The following OSBPL8 variants were observed in gnomAD, a reference collection of about 807,000 sequenced individuals.
OSBPL8 encodes the protein oxysterol binding protein like 8.
Under a neutral mutation model 125.5 loss-of-function variants are expected in OSBPL8, and 59 were observed. The ratio of observed to expected loss-of-function variants is 0.47; its 90% CI spans 0.38 to 0.58. The LOEUF (loss-of-function observed/expected upper bound fraction) is 0.58. OSBPL8 is among the 20% of genes least tolerant of loss of function. The probability of loss-of-function intolerance (pLI) is 0.00; values close to 1 mark genes in which losing one functional copy is unlikely to be tolerated. For missense variants in OSBPL8, 758 were observed against 1,047.8 expected (o/e 0.72, Z 3.82); for synonymous variants, 330 against 338.9 (o/e 0.97, Z 0.29).
At chr12:76,395,867 T>C (rs1043563539) in intron 8 of OSBPL8, among the ~76,000 whole-genome samples, 4 of 152,012 alleles carry the variant, frequency 2.6e-5, no homozygotes, top group African/African-American at 7.2e-5. Context: ...GTGGGAAGTA[T>C]TTATATAATT....
intron 1 of OSBPL8, among the ~76,000 whole-genome samples, chr12:76,535,917 G>A (rs777739216): frequency 3.3e-5 from 5 of 152,050 alleles, no homozygotes; most frequent in Non-Finnish European, 7.4e-5. Context: ...AGAATTTTGG[G>A]GACTGATGGA....
Position 76,378,504 on chromosome 12 carries a change from G to A in OSBPL8, c.1677C>T (p.Phe559=), listed in dbSNP as rs1952914039. 2 of 1,606,138 alleles carry A rather than the reference G, an allele frequency of 1.2e-6. No individual in the cohort carries two copies. Among genetic ancestry groups the A allele is most frequent in the East Asian group, 4.5e-5 (2 of 44,716 alleles). Residue 559 remains phenylalanine (F), a synonymous_variant, in exon 16 of 24, where the codon TTC becomes TTT. Coordinates refer to ENST00000261183, the MANE Select transcript of OSBPL8 (RefSeq NM_020841.5). ...AILEGEARLT[F]LNRGEDYVMT... ...TTACATAATCTTCACCTCTATTCAA[G>A]AAAGTTAACCGTGCTTCTCCCTCTA...
chr12:76,408,183 C>T lies in OSBPL8; in HGVS notation c.288+2381G>A, dbSNP rs901934403. On this transcript the variant is annotated intron_variant, in intron 5 of 23. Coordinates refer to ENST00000261183, the MANE Select transcript of OSBPL8 (RefSeq NM_020841.5). ...AAAAAAAAAGGTAGCTATTAATGGC[C>T]GGGCACGGTGACTCACGCCTGTAAT... is the stretch of plus-strand genomic sequence containing the variant. Among the ~76,000 whole-genome samples the T allele has an allele frequency of 1.7e-4, 26 of 148,742 alleles. No homozygotes were observed. In the East Asian group the frequency reaches 2.4e-3, roughly 13 times the overall value.
At chr12:76,510,171 A>T (rs1300816183) in intron 1 of OSBPL8, among the ~76,000 whole-genome samples, 1 of 152,232 alleles carries the variant, frequency 6.6e-6, no homozygotes, top group Non-Finnish European at 1.5e-5. Context: ...AATACTTTTC[A>T]TATCTCCAGA....
At chr12:76,359,255 A>T (rs568499558) in intron 21 of OSBPL8, among the ~76,000 whole-genome samples, 1 of 152,228 alleles carries the variant, frequency 6.6e-6, no homozygotes, top group South Asian at 2.1e-4. Context: ...TGTTAGAAAC[A>T]TTCCCACTGA....
At chr12:76,468,633 T>C (rs1407178402) in intron 2 of OSBPL8, among the ~76,000 whole-genome samples, 1 of 152,210 alleles carries the variant, frequency 6.6e-6, no homozygotes, top group Non-Finnish European at 1.5e-5. Context: ...CCAATTCTGC[T>C]ACCTATGTTC....
chr12:76,557,209 A>G (rs1406335781), intron 1 of OSBPL8, among the ~76,000 whole-genome samples: 1 of 152,256 alleles, frequency 6.6e-6, no homozygotes, highest in Non-Finnish European at 1.5e-5. Context: ...TACTGTATCA[A>G]TTCTTTGTCT....
At position 76,486,513 on chromosome 12, in the gene OSBPL8, G is replaced by A. The variant is rs527322126; in HGVS notation, c.42+997C>T. 2.1e-3 allele frequency among the ~76,000 whole-genome samples: 319 copies of A among 152,190 alleles called. 1 individual carries two copies. Among genetic ancestry groups the A allele is most frequent in the African/African-American group, 7.3e-3 (304 of 41,538 alleles). On this transcript the variant is annotated intron_variant, in intron 2 of 23. Coordinates refer to ENST00000261183, the MANE Select transcript of OSBPL8 (RefSeq NM_020841.5). The stretch of plus-strand genomic sequence containing the variant: ...AGTCTATACATCAATATATAATGGA[G>A]TCACTCAAAATGCAACAAGAGAATT...
Position 76,559,399 on chromosome 12 carries a change from G to GT in OSBPL8, c.-71dup, listed in dbSNP as rs1951207123. 6.6e-6 allele frequency: 1 copy of GT among 152,372 alleles called. No homozygotes were observed. The highest frequency in any genetic ancestry group is 2.4e-5 in the African/African-American group (1 of 41,452). 9.4% of individuals were successfully genotyped at this position (152,372 alleles called of 1,614,324 possible). ...CTCAGGAATGGAGCAACACTCACCC[G>GT]TGCGGAGCTCCCAGGGAGGCGGGAC... On this transcript the variant is annotated 5_prime_UTR_variant, in exon 1 of 24. Coordinates refer to ENST00000261183, the MANE Select transcript of OSBPL8 (RefSeq NM_020841.5).
intron 4 of OSBPL8, among the ~76,000 whole-genome samples, chr12:76,425,046 C>T (rs547440584): frequency 2.2e-3 from 331 of 152,174 alleles, no homozygotes; most frequent in Non-Finnish European, 4.0e-3. Context: ...TTCACAGCAC[C>T]AAGTTCCTCT....
intron 4 of OSBPL8, among the ~76,000 whole-genome samples, chr12:76,416,000 A>G (rs1291297872): frequency 6.6e-6 from 1 of 151,980 alleles, no homozygotes; most frequent in Non-Finnish European, 1.5e-5. Context: ...AAAGATACTT[A>G]GCTCATTAAT....
chr12:76,366,632 G>A, intron 21 of OSBPL8: 1 of 429,570 alleles, frequency 2.3e-6, no homozygotes, highest in Non-Finnish European at 4.6e-6. Context: ...AATGAAGTAA[G>A]GTTATTGATT....
At chr12:76,399,776 C>G in intron 7 of OSBPL8, 97 bp downstream of exon 7, 1 of 760,764 alleles carries the variant, frequency 1.3e-6, no homozygotes, top group South Asian at 2.4e-5. Flanking sequence ...ATTTTAGGAG[C>G]TGTTTTTGTC....
In OSBPL8 at chr12:76,450,776, A is replaced by G. The variant is rs891441458; in HGVS notation, c.217+75T>C. 7.8e-6 allele frequency: 11 copies of G among 1,409,350 alleles called. No individual in the cohort carries two copies. The Admixed American group carries it at 1.9e-4, about 24-fold the overall frequency. 87.3% of individuals were successfully genotyped at this position (1,409,350 alleles called of 1,614,324 possible). On this transcript the variant is annotated intron_variant, in intron 4 of 23. Transcript: ENST00000261183. ...AAGAAAAAAAATATGATAGTCCCCA[A>G]ATGTCATTCTCCCCTTCTCCCCTCC...
Position 76,354,269 on chromosome 12 carries a change from A to G in OSBPL8, c.*1620T>C, listed in dbSNP as rs1194857318. On this transcript the variant is annotated 3_prime_UTR_variant, in exon 24 of 24. Coordinates refer to ENST00000261183, the MANE Select transcript of OSBPL8 (RefSeq NM_020841.5). The stretch of plus-strand genomic sequence containing the variant: ...ATTTAAAACATCATTTCACATGTAC[A>G]TATGGAATACAGCATTATTTTGCCA... The G allele has an allele frequency of 3.3e-5, 5 of 152,074 alleles. No homozygotes were observed. The highest frequency in any genetic ancestry group is 1.2e-4 in the African/African-American group (5 of 41,450). The allele number at this position is 152,074 out of a possible 1,614,324, so 9.4% of individuals were successfully genotyped here.
At chr12:76,464,258 G>A (rs1479982039) in intron 2 of OSBPL8, among the ~76,000 whole-genome samples, 2 of 152,256 alleles carry the variant, frequency 1.3e-5, no homozygotes, top group Admixed American at 6.5e-5. Context: ...CTGCACTCCA[G>A]CCTGAGCAAC....
chr12:76,506,637 CACTA>C (rs1405781619), intron 1 of OSBPL8, among the ~76,000 whole-genome samples: 3 of 151,934 alleles, frequency 2.0e-5, no homozygotes, highest in Non-Finnish European at 4.4e-5. Flanking sequence ...ATTATAAAAT[CACTA>C]ACTAAAAAAG....
At chr12:76,460,799 G>A (rs1296079488) in intron 2 of OSBPL8, among the ~76,000 whole-genome samples, 2 of 152,192 alleles carry the variant, frequency 1.3e-5, no homozygotes, top group African/African-American at 4.8e-5. Flanking sequence ...ACCAAATGCA[G>A]TAACATACCA....
In OSBPL8 at chr12:76,489,945, G is replaced by C. The variant is rs138382254; in HGVS notation, c.-67-2327C>G. Among the ~76,000 whole-genome samples the C allele has an allele frequency of 9.2e-4, 140 of 152,294 alleles. 1 individual carries two copies. Among genetic ancestry groups the C allele is most frequent in the Non-Finnish European group, 1.7e-3 (116 of 68,016 alleles). On this transcript the variant is annotated intron_variant, in intron 1 of 23. Coordinates refer to ENST00000261183, the MANE Select transcript of OSBPL8 (RefSeq NM_020841.5). ...GAGGTCAAAATACCAACATTCGCAG[G>C]AATTTGGAAGAAGTTGATTCCAACC...
Sources: gnomAD v4.1 joint callset for allele counts (sites outside exome capture counted in the v4.1 genomes callset) on GRCh38, gnomAD v4.1.1 for gene constraint, MANE v1.5 for transcripts, NCBI Gene and HGNC (gene_info 2026-07-23, HGNC 2026-07-21) for gene names.